DLG2: variants seen among roughly 807,000 people sequenced by gnomAD.
DLG2 encodes the protein discs large MAGUK scaffold protein 2, also known as disks large homolog 2.
DLG2 carries 45 observed loss-of-function variants against 132.5 expected under a neutral mutation model. The observed-to-expected ratio is 0.34, with a 90% CI of 0.27 to 0.44. The LOEUF (loss-of-function observed/expected upper bound fraction) is 0.44, where lower values mean the gene tolerates loss of function less well. DLG2 is among the 20% of genes least tolerant of loss of function. The probability of loss-of-function intolerance (pLI) is 1.00; values close to 1 mark genes in which losing one functional copy is unlikely to be tolerated. For synonymous variants in DLG2, 424 were observed against 419.6 expected, an observed-to-expected ratio of 1.01 and a Z score of -0.13; for missense variants, 1,045 against 1,196.9, an observed-to-expected ratio of 0.87 and a Z score of 1.87.
intron 6 of DLG2, among the ~76,000 whole-genome samples, chr11:84,590,570 G>A (rs893865891): frequency 6.6e-6 from 1 of 152,012 alleles, no homozygotes; most frequent in African/African-American, 2.4e-5. Flanking sequence ...ATCTTCTAGG[G>A]GTGAGAGATA....
At chr11:84,283,781 T>C (rs771532829) in intron 7 of DLG2, among the ~76,000 whole-genome samples, 1 of 152,174 alleles carries the variant, frequency 6.6e-6, no homozygotes, top group South Asian at 2.1e-4. Context: ...GCACAGTACC[T>C]AGAATATAAG....
In DLG2 at chr11:84,431,730, A is replaced by T. The variant is rs528758618; in HGVS notation, c.519+102840T>A. On this transcript the variant is annotated intron_variant, in intron 7 of 27. Transcript: ENST00000376104. ...TTTGATAGCAAGTATAATATTTTAA[A>T]CACTTTATTTATATTAACTCATTTT... 1.8e-3 allele frequency among the ~76,000 whole-genome samples: 270 copies of T among 152,228 alleles called. 3 individuals are homozygous for T. The highest frequency in any genetic ancestry group is 6.2e-3 in the African/African-American group (259 of 41,564).
In DLG2 at chr11:85,435,566, C is replaced by T. The variant is rs2153021449; in HGVS notation, c.41-150201G>A. ...ATGAATGAACTCCCATTCACAGTTG[C>T]CACAAAGAGAATAAAATACCCATCA... On this transcript the variant is annotated intron_variant, in intron 3 of 27. Transcript: ENST00000376104. 1.3e-5 allele frequency among the ~76,000 whole-genome samples: 2 copies of T among 152,094 alleles called. 1 individual carries two copies. Among genetic ancestry groups the T allele is most frequent in the South Asian group, 4.2e-4 (2 of 4,816 alleles).
chr11:84,081,870 T>A (rs2096909433), intron 10 of DLG2, among the ~76,000 whole-genome samples: 1 of 152,208 alleles, frequency 6.6e-6, no homozygotes, highest in African/African-American at 2.4e-5. Context: ...TATTTCTAGT[T>A]CTAGTTCCCT....
rs546884855 is a variant in DLG2, at chr11:83,658,758, A to C, written c.1826-25433T>G. 3.3e-5 allele frequency among the ~76,000 whole-genome samples: 5 copies of C among 152,344 alleles called. No individual in the cohort carries two copies. The South Asian group carries it at 1.0e-3, about 32-fold the overall frequency. On this transcript the variant is annotated intron_variant, in intron 18 of 27. Coordinates refer to ENST00000376104, the MANE Select transcript of DLG2 (RefSeq NM_001142699.3). ...TTGCATATACTCTTCAGTTTTCTGC[A>C]TTTTAAGCACCTTAAAGAAGTTTAC...
chr11:84,294,379 T>C (rs1329634153), intron 7 of DLG2, among the ~76,000 whole-genome samples: 2 of 152,066 alleles, frequency 1.3e-5, no homozygotes, highest in East Asian at 3.9e-4. Flanking sequence ...CGGTGGATCA[T>C]CTGAGGTCAG....
At chr11:84,945,334 C>A (rs954516837) in intron 6 of DLG2, among the ~76,000 whole-genome samples, 19 of 152,324 alleles carry the variant, frequency 1.2e-4, no homozygotes, top group African/African-American at 4.6e-4. Flanking sequence ...CCGTGGTGTT[C>A]TTGAGTGAGA....
At chr11:83,496,185 GATATAT>G (rs111574678) in intron 21 of DLG2, among the ~76,000 whole-genome samples, 4 of 144,262 alleles carry the variant, frequency 2.8e-5, no homozygotes, top group Admixed American at 1.4e-4. Flanking sequence ...TTTAACATAA[GATATAT>G]ATATATATAT....
At chr11:84,945,500 G>A (rs560369189) in intron 6 of DLG2, among the ~76,000 whole-genome samples, 3 of 152,290 alleles carry the variant, frequency 2.0e-5, no homozygotes, top group South Asian at 2.1e-4. Flanking sequence ...GGACTGTGCT[G>A]GATCAGACCT....
Position 84,173,569 on chromosome 11 carries a change from C to T in DLG2, c.574-10058G>A, listed in dbSNP as rs142353021. ...TGCTAAGCCAAAAGATGAGACTTTA[C>T]GAATATGATGATCTAACCAGATAGT... On this transcript the variant is annotated intron_variant, in intron 8 of 27. Coordinates refer to ENST00000376104, the MANE Select transcript of DLG2 (RefSeq NM_001142699.3). Among the ~76,000 whole-genome samples, 695 of 152,180 alleles carry T rather than the reference C, an allele frequency of 4.6e-3. 2 individuals carry two copies. The highest frequency in any genetic ancestry group is 7.9e-3 in the Non-Finnish European group (537 of 67,996).
At chr11:83,992,267 C>A (rs2093764187) in intron 11 of DLG2, among the ~76,000 whole-genome samples, 1 of 152,014 alleles carries the variant, frequency 6.6e-6, no homozygotes, top group Non-Finnish European at 1.5e-5. Flanking sequence ...CCTCATGCAG[C>A]TTATTTTCTA....
At chr11:84,906,822 G>T (rs2091571460) in intron 6 of DLG2, among the ~76,000 whole-genome samples, 3 of 152,108 alleles carry the variant, frequency 2.0e-5, no homozygotes, top group Admixed American at 1.3e-4. Flanking sequence ...AGAGAGAAAA[G>T]AACTGAATCC....
chr11:84,366,924 A>T (rs2098686426), intron 7 of DLG2, among the ~76,000 whole-genome samples: 1 of 152,098 alleles, frequency 6.6e-6, no homozygotes. Context: ...GTCAACAAGG[A>T]TACCCAGGAA....
intron 4 of DLG2, among the ~76,000 whole-genome samples, chr11:85,274,653 C>T (rs1460934707): frequency 2.0e-5 from 3 of 152,164 alleles, no homozygotes; most frequent in Non-Finnish European, 2.9e-5. Context: ...ATTCATTCTA[C>T]CCCAAGTCTA....
chr11:83,853,388 T>C (rs1801850333), intron 16 of DLG2, among the ~76,000 whole-genome samples: 1 of 152,174 alleles, frequency 6.6e-6, no homozygotes, highest in South Asian at 2.1e-4. Flanking sequence ...TATCACACTC[T>C]ATCTTTTTAT....
At chr11:85,073,099 A>G (rs557953533) in intron 6 of DLG2, among the ~76,000 whole-genome samples, 6 of 152,030 alleles carry the variant, frequency 3.9e-5, no homozygotes, top group African/African-American at 1.2e-4. Flanking sequence ...CATATTAAAC[A>G]TATTTCAAAA....
At chr11:84,568,688 C>T (rs530964936) in intron 6 of DLG2, among the ~76,000 whole-genome samples, 5 of 152,260 alleles carry the variant, frequency 3.3e-5, no homozygotes, top group Admixed American at 3.3e-4. Flanking sequence ...CATAGTTGTG[C>T]ATTCCAGAGA....
intron 4 of DLG2, among the ~76,000 whole-genome samples, chr11:85,194,430 G>A (rs868522908): frequency 6.6e-6 from 1 of 151,902 alleles, no homozygotes; most frequent in African/African-American, 2.4e-5. Context: ...CTCTTTGTAG[G>A]GGGAGACAGG....
intron 7 of DLG2, among the ~76,000 whole-genome samples, chr11:84,361,740 A>G (rs2098650987): frequency 6.6e-6 from 1 of 152,040 alleles, no homozygotes; most frequent in African/African-American, 2.4e-5. Flanking sequence ...AATCTATTAT[A>G]TGACTTACAT....
Sources: gnomAD v4.1 joint callset for allele counts (sites outside exome capture counted in the v4.1 genomes callset) on GRCh38, gnomAD v4.1.1 for gene constraint, MANE v1.5 for transcripts, NCBI Gene and HGNC (gene_info 2026-07-23, HGNC 2026-07-21) for gene names.